The following TENM2 variants were observed in gnomAD, a reference collection of about 807,000 sequenced individuals.
The protein encoded by TENM2 is teneurin-2.
In TENM2, 52 loss-of-function variants were observed where a neutral mutation model predicts 245.2. That is an observed-to-expected ratio of 0.21 (90% CI 0.17 to 0.27). The LOEUF is 0.27. Ranked by LOEUF, TENM2 falls within the 10% of genes least tolerant of loss-of-function variation. The pLI is 1.00. For synonymous variants in TENM2, 1,363 were observed against 1,438.9 expected (o/e 0.95, Z 1.19); for missense variants, 3,046 against 3,666.8 (o/e 0.83, Z 4.37).
chr5:167,880,225 G>T (rs970525370), intron 3 of TENM2, among the ~76,000 whole-genome samples: 6 of 151,894 alleles, frequency 4.0e-5, no homozygotes, highest in Admixed American at 1.3e-4. Flanking sequence ...TAGAAATGGG[G>T]TTTCACCATG....
At chr5:167,200,729 A>T in the TENM2 span, among the ~76,000 whole-genome samples, 1 of 152,126 alleles carries the variant, frequency 6.6e-6, no homozygotes, top group African/African-American at 2.4e-5. Context: ...GGCAGCGGCT[A>T]CTTCAGTAGC....
intron 2 of TENM2, among the ~76,000 whole-genome samples, chr5:167,489,526 C>A (rs1256167409): frequency 1.3e-5 from 2 of 152,132 alleles, no homozygotes; most frequent in Non-Finnish European, 2.9e-5. Context: ...GGCAACACTG[C>A]CCTTCAGCAT....
At chr5:168,245,989 T>C (rs1441605997) in intron 26 of TENM2, among the ~76,000 whole-genome samples, 1 of 151,878 alleles carries the variant, frequency 6.6e-6, no homozygotes, top group Non-Finnish European at 1.5e-5. Context: ...TCCCAGCTCT[T>C]TGGGAGGCCG....
chr5:167,238,156 TA>T, the TENM2 span, among the ~76,000 whole-genome samples: 28 of 152,134 alleles, frequency 1.8e-4, no homozygotes, highest in Non-Finnish European at 3.2e-4. Flanking sequence ...TTTAGCAATG[TA>T]TTCTGTTTAT....
At chr5:167,980,961 T>C (rs1424421095) in intron 4 of TENM2, among the ~76,000 whole-genome samples, 1 of 152,142 alleles carries the variant, frequency 6.6e-6, no homozygotes, top group African/African-American at 2.4e-5. Context: ...CAGTTGCTGG[T>C]AATGTTGGCA....
At chr5:167,362,906 A>G (rs1458386094) in intron 1 of TENM2, among the ~76,000 whole-genome samples, 5 of 152,172 alleles carry the variant, frequency 3.3e-5, no homozygotes, top group African/African-American at 1.2e-4. Flanking sequence ...AATAGCTAAT[A>G]TCGATCGACT....
intron 2 of TENM2, among the ~76,000 whole-genome samples, chr5:167,491,112 T>A (rs1768405971): frequency 6.6e-6 from 1 of 152,176 alleles, no homozygotes; most frequent in South Asian, 2.1e-4. Context: ...GAATCTCATG[T>A]ACTGAGATTG....
chr5:167,350,431 G>GTGTGTGTGTGTGTA (rs1758757528), intron 1 of TENM2, among the ~76,000 whole-genome samples: 1 of 150,010 alleles, frequency 6.7e-6, no homozygotes, highest in African/African-American at 2.5e-5. Flanking sequence ...GTGTGTGTGT[G>GTGTGTGTGTGTGTA]TGTGTGTGTG....
chr5:167,865,292 A>AT (rs1317294427), intron 2 of TENM2, among the ~76,000 whole-genome samples: 5 of 151,702 alleles, frequency 3.3e-5, no homozygotes, highest in Non-Finnish European at 7.4e-5. Flanking sequence ...TTATTTATTT[A>AT]TTTTTTTGTA....
intron 2 of TENM2, among the ~76,000 whole-genome samples, chr5:167,687,704 T>C (rs1345539426): frequency 6.6e-6 from 1 of 152,236 alleles, no homozygotes; most frequent in Non-Finnish European, 1.5e-5. Context: ...CTTCACACTA[T>C]TTATAGTAGC....
chr5:168,152,093 C>T (rs1428578273), intron 12 of TENM2, among the ~76,000 whole-genome samples: 1 of 152,198 alleles, frequency 6.6e-6, no homozygotes, highest in African/African-American at 2.4e-5. Context: ...TTTTCCATGC[C>T]TCCATTTCCT....
At chr5:167,999,025 G>A (rs914734232) in intron 5 of TENM2, among the ~76,000 whole-genome samples, 12 of 152,170 alleles carry the variant, frequency 7.9e-5, no homozygotes, top group African/African-American at 2.9e-4. Flanking sequence ...TCACTGAACA[G>A]AGCAGGTTTG....
intron 2 of TENM2, among the ~76,000 whole-genome samples, chr5:167,473,642 A>G (rs1473304857): frequency 5.9e-5 from 9 of 152,314 alleles, no homozygotes; most frequent in African/African-American, 2.2e-4. Context: ...AGCAGATCGT[A>G]GAAGTGTTAT....
At chr5:167,682,755 G>C (rs763479468) in intron 2 of TENM2, among the ~76,000 whole-genome samples, 5 of 152,076 alleles carry the variant, frequency 3.3e-5, no homozygotes, top group African/African-American at 4.8e-5. Flanking sequence ...CTGGGGATTA[G>C]AGACTCCCAA....
chr5:167,238,658 A>T, the TENM2 span, among the ~76,000 whole-genome samples: 1 of 150,458 alleles, frequency 6.6e-6, no homozygotes, highest in African/African-American at 2.5e-5. Context: ...GAATGACTAG[A>T]TAAGTTGGCC....
chr5:167,970,289 G>A (rs1040517332), intron 4 of TENM2, among the ~76,000 whole-genome samples: 17 of 152,204 alleles, frequency 1.1e-4, no homozygotes, highest in African/African-American at 3.6e-4. Context: ...TGAGTTCACT[G>A]TGGCCACTTA....
Position 167,528,913 on chromosome 5 carries a change from A to G in TENM2, c.502+153440A>G, listed in dbSNP as rs368352670. 2.2e-4 allele frequency among the ~76,000 whole-genome samples: 34 copies of G among 152,240 alleles called. No homozygotes were observed. The East Asian group carries it at 5.6e-3, about 25-fold the overall frequency. The stretch of plus-strand genomic sequence containing the variant: ...CTATCTTTAGGCTTTTTGAAATTCT[A>G]TACTATATATTCCCACGTGATTTTT... On this transcript the variant is annotated intron_variant, in intron 2 of 28. Transcript: ENST00000518659.
the TENM2 span, among the ~76,000 whole-genome samples, chr5:167,220,662 G>A: frequency 6.6e-5 from 10 of 152,074 alleles, no homozygotes; most frequent in African/African-American, 2.2e-4. Flanking sequence ...TCAAATCTCA[G>A]CCCTGCTGCA....
At chr5:167,372,360 T>A (rs1260006875) in intron 1 of TENM2, among the ~76,000 whole-genome samples, 2 of 152,244 alleles carry the variant, frequency 1.3e-5, no homozygotes, top group Non-Finnish European at 2.9e-5. Flanking sequence ...AAATAAGATT[T>A]CAATTTCTTA....
Sources: allele counts gnomAD v4.1 joint callset (sites outside exome capture counted in the v4.1 genomes callset), GRCh38; gene constraint gnomAD v4.1.1; transcripts MANE v1.5; gene names NCBI Gene and HGNC (gene_info 2026-07-23, HGNC 2026-07-21).